The following DEAF1 variants were observed in gnomAD, a reference collection of about 807,000 sequenced individuals.
The protein encoded by DEAF1 is DEAF1 transcription factor.
In DEAF1, 53 loss-of-function variants were observed where a neutral mutation model predicts 58.9. The observed-to-expected ratio is 0.90, with a 90% confidence interval of 0.72 to 1.13. The LOEUF (loss-of-function observed/expected upper bound fraction) is 1.13, where lower values mean the gene tolerates loss of function less well. Among genes scored for constraint, DEAF1 ranks in the 50% most tolerant of loss-of-function variants. DEAF1 has a pLI of 0.00. For synonymous variants in DEAF1, 385 were observed against 340.4 expected (o/e 1.13, Z -1.44); for missense variants, 685 against 791.4 (o/e 0.87, Z 1.61).
intron 6 of DEAF1, among the ~76,000 whole-genome samples, chr11:682,909 C>T (rs775310696): frequency 2.4e-4 from 37 of 152,186 alleles, no homozygotes; most frequent in Non-Finnish European, 3.8e-4. Context: ...ATCCCTTGAC[C>T]GGGAACTGCA....
intron 1 of DEAF1, among the ~76,000 whole-genome samples, chr11:701,620 A>G (rs945322339): frequency 2.6e-5 from 4 of 151,860 alleles, no homozygotes; most frequent in Non-Finnish European, 5.9e-5. Flanking sequence ...CATGTTAGCC[A>G]GGATGGTTTC....
intron 10 of DEAF1, among the ~76,000 whole-genome samples, chr11:662,998 GGAT>G (rs1225660499): frequency 1.3e-5 from 2 of 152,206 alleles, no homozygotes; most frequent in Admixed American, 6.5e-5. Flanking sequence ...GCTCTGAAAG[GGAT>G]GATATTTGGC....
At chr11:696,772 A>ATT (rs147443850), upstream of DEAF1, among the ~76,000 whole-genome samples, 1 of 788 alleles carries the variant, frequency 1.3e-3, no homozygotes, top group African/African-American at 1.4e-3. Flanking sequence ...TTCTACAAAA[A>ATT]AAAAATTAAA....
At chr11:681,684 A>G (rs964162731) in intron 6 of DEAF1, among the ~76,000 whole-genome samples, 1 of 152,060 alleles carries the variant, frequency 6.6e-6, no homozygotes, top group Non-Finnish European at 1.5e-5. Flanking sequence ...TGCTAGGATT[A>G]CAGGCGTGAG....
At chr11:647,338 CCA>C (rs1472220772) in intron 11 of DEAF1, among the ~76,000 whole-genome samples, 1 of 152,066 alleles carries the variant, frequency 6.6e-6, no homozygotes, top group Non-Finnish European at 1.5e-5. Context: ...CCTGTAATCC[CCA>C]GCTACTAGGG....
At chr11:703,876 A>G in intron 1 of DEAF1, 1 of 1,236,940 alleles carries the variant, frequency 8.1e-7, no homozygotes, top group Non-Finnish European at 1.0e-6. Context: ...CCACATTCGG[A>G]GCCTCCGTCC....
chr11:674,504 A>T, intron 10 of DEAF1, 32 bp downstream of exon 10: 1 of 1,613,210 alleles, frequency 6.2e-7, no homozygotes. Flanking sequence ...TACTCGGCAC[A>T]GGTCGTGTCT....
In DEAF1 at chr11:674,549, G is replaced by C; in HGVS notation, c.1490C>G (p.Ala497Gly). 6.2e-7 allele frequency: 1 copy of C among 1,614,084 alleles called. No individual in the cohort carries two copies. The part of the protein sequence containing the change: ...ATNQAKIHAD[A>G]ERKEQSCVNC... ...TTCCAAGGTTACCTCCTTCCGCTCT[G>C]CGTCAGCGTGGATCTTGGCCTGGTT... is the stretch of plus-strand genomic sequence containing the variant. The change falls in exon 10 of 12, where the codon GCA (alanine) becomes GGA (glycine). Residue 497 changes from alanine to glycine, a missense_variant. This residue lies in a region of DEAF1 where 343 missense variants were observed against 379.8 expected (regional missense o/e 0.90). Transcript: ENST00000382409.
chr11:681,615 G>T (rs1047477711), intron 6 of DEAF1, among the ~76,000 whole-genome samples: 48 of 151,830 alleles, frequency 3.2e-4, no homozygotes, highest in South Asian at 2.1e-4. Flanking sequence ...TTTCACCATG[G>T]TAGCCAGGAT....
chr11:687,315 G>C (rs1271593088), intron 4 of DEAF1, among the ~76,000 whole-genome samples: 1 of 152,188 alleles, frequency 6.6e-6, no homozygotes, highest in Non-Finnish European at 1.5e-5. Context: ...GCAACTTGAG[G>C]AACACGTCCC....
chr11:676,803 G>A (rs1860100172), intron 9 of DEAF1, among the ~76,000 whole-genome samples: 2 of 152,012 alleles, frequency 1.3e-5, no homozygotes, highest in Non-Finnish European at 2.9e-5. Context: ...CACGCCCAGC[G>A]GGGTTTCTTA....
intron 9 of DEAF1, among the ~76,000 whole-genome samples, chr11:678,002 T>C (rs1860154222): frequency 6.7e-6 from 1 of 148,230 alleles, no homozygotes. Context: ...ACAGAAATCT[T>C]GGCTGCATGT....
chr11:674,656 G>A lies in DEAF1; in HGVS notation c.1383C>T (p.Asn461=), dbSNP rs1049200635. Residue 461 remains asparagine (N), a synonymous_variant, in exon 10 of 12, where the codon AAC becomes AAT. Transcript: ENST00000382409. ...GCTGCTGCGCTGTGTTGAGCAAGGAGTTGACCATCTCTTCTAGGTACAGCC... is the reference window on the plus strand; with the variant it reads ...GCTGCTGCGCTGTGTTGAGCAAGGAATTGACCATCTCTTCTAGGTACAGCC... ...RSWLYLEEMV[N]SLLNTAQQLK... is the part of the protein sequence containing the mutation. The A allele has an allele frequency of 3.1e-6, 5 of 1,614,142 alleles. No homozygotes were observed. Among genetic ancestry groups the A allele is most frequent in the Non-Finnish European group, 4.2e-6 (5 of 1,180,046 alleles).
Position 705,406 on chromosome 11 carries a change from G to A in DEAF1, c.-438+1166C>T, listed in dbSNP as rs547740992. On this transcript the variant is annotated intron_variant, in intron 1 of 11. Transcript: ENST00000683307. ...GCTGGGGAGAAGGGCCATCCTGGAA[G>A]CCGGGCAGATGAGGACGGAACCAGA... is the stretch of plus-strand genomic sequence containing the variant. 5.2e-5 allele frequency: 8 copies of A among 154,734 alleles called. No individual in the cohort carries two copies. The East Asian group carries it at 1.3e-3, about 26-fold the overall frequency. The allele number at this position is 154,734 out of a possible 1,614,324, so 9.6% of individuals were successfully genotyped here.
chr11:691,457 C>T (rs767174593), intron 2 of DEAF1, 44 bp downstream of exon 2: 20 of 1,575,790 alleles, frequency 1.3e-5, no homozygotes, highest in South Asian at 3.3e-5. Flanking sequence ...AGGCCCCCAG[C>T]GTGGCACCAC....
At chr11:704,916 G>A (rs1033038628) in intron 1 of DEAF1, 5 of 351,782 alleles carry the variant, frequency 1.4e-5, no homozygotes, top group Admixed American at 1.2e-4. Flanking sequence ...GAGGGCACGG[G>A]TGCACCGAGG....
chr11:687,053 T>C (rs1225873317), intron 4 of DEAF1, 56 bp from the exon 5 acceptor site: 34 of 1,610,618 alleles, frequency 2.1e-5, no homozygotes, highest in East Asian at 8.9e-5. Context: ...ACCTCTGCCA[T>C]TGCCTACCTC....
intron 2 of DEAF1, among the ~76,000 whole-genome samples, chr11:689,201 T>TC (rs1860727209): frequency 7.5e-6 from 1 of 133,964 alleles, no homozygotes; most frequent in Non-Finnish European, 1.5e-5. Flanking sequence ...TTTTTCTTTT[T>TC]CTTTTTTTTT....
chr11:677,126 CT>C (rs557272383), intron 9 of DEAF1, among the ~76,000 whole-genome samples: 151 of 145,864 alleles, frequency 1.0e-3, no homozygotes, highest in South Asian at 1.5e-3. Flanking sequence ...CCACCCCACA[CT>C]TTTTTTTTTT....
Sources: gnomAD v4.1 joint callset for allele counts (sites outside exome capture counted in the v4.1 genomes callset) on GRCh38, gnomAD v4.1.1 for gene constraint, gnomAD v4.1.1 regional missense constraint, MANE v1.5 for transcripts, NCBI Gene and HGNC (gene_info 2026-07-23, HGNC 2026-07-21) for gene names.